Variants in CTNNA3 observed in about 807,000 individuals in gnomAD.
The protein encoded by CTNNA3 is catenin alpha 3, also known as catenin alpha-3.
CTNNA3 carries 76 observed loss-of-function variants against 95.7 expected under a neutral mutation model. The ratio of observed to expected loss-of-function variants is 0.79; its 90% CI spans 0.66 to 0.96. The LOEUF (loss-of-function observed/expected upper bound fraction) is 0.96, where lower values mean the gene tolerates loss of function less well. Among genes scored for constraint, CTNNA3 ranks in the 40% least tolerant of loss-of-function variants. CTNNA3 has a pLI of 0.00. For synonymous variants in CTNNA3, 431 were observed against 374.4 expected (o/e 1.15, Z -1.74); for missense variants, 1,191 against 1,089.8 (o/e 1.09, Z -1.31).
At chr10:67,091,247 T>A (rs1857614318) in intron 7 of CTNNA3, among the ~76,000 whole-genome samples, 2 of 151,860 alleles carry the variant, frequency 1.3e-5, no homozygotes, top group South Asian at 4.1e-4. Flanking sequence ...GGCATCAAAA[T>A]GAAAAAGAAT....
intron 13 of CTNNA3, among the ~76,000 whole-genome samples, chr10:66,233,870 C>G (rs985782732): frequency 6.6e-6 from 1 of 152,116 alleles, no homozygotes; most frequent in African/African-American, 2.4e-5. Context: ...TTCATAGCAG[C>G]ATTATTAATA....
chr10:67,024,056 C>T (rs1020138997), intron 7 of CTNNA3, among the ~76,000 whole-genome samples: 3 of 152,148 alleles, frequency 2.0e-5, no homozygotes, highest in Non-Finnish European at 4.4e-5. Flanking sequence ...TATTATCTTC[C>T]GGAGGACAGA....
chr10:67,039,315 C>T (rs1443161052), intron 7 of CTNNA3, among the ~76,000 whole-genome samples: 1 of 152,090 alleles, frequency 6.6e-6, no homozygotes, highest in East Asian at 1.9e-4. Flanking sequence ...TTCCAGTTAA[C>T]ATAAATGCTA....
intron 3 of CTNNA3, among the ~76,000 whole-genome samples, chr10:67,572,372 CT>C (rs1015446723): frequency 9.2e-5 from 14 of 152,128 alleles, no homozygotes; most frequent in African/African-American, 3.4e-4. Context: ...ATGATCTCCC[CT>C]TAAGGCAACA....
At chr10:66,366,573 A>T (rs1288328527) in intron 12 of CTNNA3, among the ~76,000 whole-genome samples, 1 of 152,150 alleles carries the variant, frequency 6.6e-6, no homozygotes, top group African/African-American at 2.4e-5. Context: ...ACCACTTAGA[A>T]CACATCATCT....
chr10:66,743,389 A>G (rs1003121196), intron 9 of CTNNA3, among the ~76,000 whole-genome samples: 1 of 152,166 alleles, frequency 6.6e-6, no homozygotes, highest in African/African-American at 2.4e-5. Flanking sequence ...CTTTTTACCT[A>G]GATATAGACA....
chr10:67,533,964 T>C (rs1840414189), intron 4 of CTNNA3, among the ~76,000 whole-genome samples: 1 of 150,852 alleles, frequency 6.6e-6, no homozygotes, highest in Admixed American at 6.6e-5. Context: ...TAAGGCCACT[T>C]AAAAAAAATT....
At position 66,085,954 on chromosome 10, in the gene CTNNA3, T is replaced by C. The variant is rs192752479; in HGVS notation, c.1978-16465A>G. The stretch of plus-strand genomic sequence containing the variant: ...TGCAAGAATCAAAACACAGGGTTGA[T>C]GGTAACACCTATCCTACATCAGTAG... On this transcript the variant is annotated intron_variant, in intron 14 of 17. Coordinates refer to ENST00000433211, the MANE Select transcript of CTNNA3 (RefSeq NM_013266.4). 4.6e-5 allele frequency among the ~76,000 whole-genome samples: 7 copies of C among 152,290 alleles called. No individual in the cohort carries two copies. The East Asian group carries it at 1.4e-3, about 29-fold the overall frequency.
At chr10:66,211,980 T>G (rs937395591) in intron 13 of CTNNA3, among the ~76,000 whole-genome samples, 2 of 138,890 alleles carry the variant, frequency 1.4e-5, no homozygotes, top group Non-Finnish European at 3.0e-5. Context: ...CTATTGTTTT[T>G]GGGTTTTTTT....
At chr10:66,911,178 A>G (rs1337321749) in intron 7 of CTNNA3, among the ~76,000 whole-genome samples, 1 of 152,242 alleles carries the variant, frequency 6.6e-6, no homozygotes, top group African/African-American at 2.4e-5. Context: ...GAAAGTCTGT[A>G]TAATTCAACA....
At chr10:67,070,679 G>A (rs1387674321) in intron 7 of CTNNA3, among the ~76,000 whole-genome samples, 9 of 151,856 alleles carry the variant, frequency 5.9e-5, no homozygotes, top group Admixed American at 1.3e-4. Context: ...CCCGGGAGGC[G>A]GAGGTTGCAG....
At chr10:65,957,395 G>A (rs1188192588) in intron 17 of CTNNA3, among the ~76,000 whole-genome samples, 1 of 152,076 alleles carries the variant, frequency 6.6e-6, no homozygotes, top group Non-Finnish European at 1.5e-5. Flanking sequence ...TTGCATTTAA[G>A]GTTAATATTG....
chr10:67,485,376 A>G (rs891378840), intron 5 of CTNNA3, among the ~76,000 whole-genome samples: 1 of 152,138 alleles, frequency 6.6e-6, no homozygotes, highest in Non-Finnish European at 1.5e-5. Flanking sequence ...ATAGCTGAAA[A>G]ACTACCTATT....
chr10:66,130,382 T>C (rs948345188), intron 13 of CTNNA3, among the ~76,000 whole-genome samples: 1 of 148,566 alleles, frequency 6.7e-6, no homozygotes, highest in Non-Finnish European at 1.5e-5. Context: ...AACTGAAGAC[T>C]GAGACACGAA....
intron 15 of CTNNA3, among the ~76,000 whole-genome samples, chr10:66,065,230 GTTT>G (rs66776665): frequency 1.9e-5 from 2 of 102,824 alleles, no homozygotes; most frequent in African/African-American, 6.7e-5. Context: ...GGTTTAAATG[GTTT>G]TTTTTTGTTT....
At chr10:67,670,241 C>T (rs1250794384) in intron 1 of CTNNA3, among the ~76,000 whole-genome samples, 1 of 152,060 alleles carries the variant, frequency 6.6e-6, no homozygotes, top group African/African-American at 2.4e-5. Context: ...TCTCTGTTTC[C>T]AAAGATAATA....
At chr10:67,060,937 C>A (rs1023409772) in intron 7 of CTNNA3, among the ~76,000 whole-genome samples, 2 of 152,058 alleles carry the variant, frequency 1.3e-5, no homozygotes, top group African/African-American at 4.8e-5. Context: ...ACTGGTAGAA[C>A]AAACTAAAGC....
At chr10:66,401,744 C>T (rs563589109) in intron 11 of CTNNA3, among the ~76,000 whole-genome samples, 53 of 150,216 alleles carry the variant, frequency 3.5e-4, no homozygotes, top group Non-Finnish European at 5.8e-4. Flanking sequence ...CTGCAACCTC[C>T]GTCTCCCAGG....
At chr10:66,327,022 G>A (rs2092262421) in intron 12 of CTNNA3, among the ~76,000 whole-genome samples, 1 of 152,020 alleles carries the variant, frequency 6.6e-6, no homozygotes, top group Admixed American at 6.6e-5. Flanking sequence ...AAATACAACT[G>A]CATGCTCACA....
Sources: allele counts gnomAD v4.1 joint callset (sites outside exome capture counted in the v4.1 genomes callset), GRCh38; gene constraint gnomAD v4.1.1; transcripts MANE v1.5; gene names NCBI Gene and HGNC (gene_info 2026-07-23, HGNC 2026-07-21).